The following CCDC61 variants were observed in gnomAD, a reference collection of about 807,000 sequenced individuals.
The protein encoded by CCDC61 is coiled-coil domain containing 61.
A neutral mutation model predicts 63.0 loss-of-function variants in CCDC61; 55 were observed. The observed-to-expected ratio is 0.87, with a 90% CI of 0.70 to 1.09. The LOEUF is 1.09. Among genes scored for constraint, CCDC61 ranks in the 50% least tolerant of loss-of-function variants. CCDC61 has a pLI of 0.00. For missense variants in CCDC61, 651 were observed against 731.4 expected (o/e 0.89, Z 1.27); for synonymous variants, 270 against 317.0 (o/e 0.85, Z 1.58).
chr19:46,003,401 A>G lies in CCDC61; in HGVS notation c.149-18A>G. 1.2e-6 allele frequency: 2 copies of G among 1,610,940 alleles called. No homozygotes were observed. The highest frequency in any genetic ancestry group is 1.7e-6 in the Non-Finnish European group (2 of 1,177,798). On this transcript the variant is annotated intron_variant, in intron 2 of 13. Coordinates refer to ENST00000595358, the MANE Select transcript of CCDC61 (RefSeq NM_001267723.2). Reference sequence around the variant, plus strand: ...GGCAAGCGGTCAGACCTCAGGAGAGACTTTTCTCCCCACCCAGTCATTGAA... The same window carrying G: ...GGCAAGCGGTCAGACCTCAGGAGAGGCTTTTCTCCCCACCCAGTCATTGAA...
chr19:46,003,951 T>G (rs1356625859), intron 3 of CCDC61, among the ~76,000 whole-genome samples: 3 of 152,052 alleles, frequency 2.0e-5, no homozygotes, highest in African/African-American at 7.2e-5. Flanking sequence ...TGTTTATTTT[T>G]TTTTTGAGAT....
Position 46,016,257 on chromosome 19 carries a change from G to T in CCDC61, c.1015+34G>T. ...CCCTGCCCTGCGGTAGGGAGGGGAC[G>T]CACTGGCGCTGCCAAGGCCCGTCTC... is the stretch of plus-strand genomic sequence containing the variant. On this transcript the variant is annotated intron_variant, in intron 8 of 13. Coordinates refer to ENST00000595358, the MANE Select transcript of CCDC61 (RefSeq NM_001267723.2). This position sits in a 1 kb window ranked among gnomAD's most constrained non-coding sequence, Gnocchi z 7.2. The T allele has an allele frequency of 6.2e-7, 1 of 1,600,036 alleles. No individual in the cohort carries two copies.
At chr19:46,002,960 G>A in intron 1 of CCDC61, 48 bp from the exon 2 acceptor site, 2 of 1,544,058 alleles carry the variant, frequency 1.3e-6, no homozygotes, top group Non-Finnish European at 1.8e-6. Flanking sequence ...CAACTCATGA[G>A]CCTGGGCTCT....
chr19:46,005,532 T>C (rs1049164692), intron 3 of CCDC61, among the ~76,000 whole-genome samples: 1 of 152,200 alleles, frequency 6.6e-6, no homozygotes, highest in African/African-American at 2.4e-5. Context: ...TTTCCTTATA[T>C]AATATCCAGA....
Position 46,003,179 on chromosome 19 carries a change from G to A in CCDC61, c.148+13G>A, listed in dbSNP as rs761303560. On this transcript the variant is annotated intron_variant, in intron 2 of 13. Coordinates refer to ENST00000595358, the MANE Select transcript of CCDC61 (RefSeq NM_001267723.2). Reference sequence around the variant, plus strand: ...TTCGATGCTGGCTGTGAGTGTGCCTGCCTGGGGTGGGCTCACCTTTCCTCT... The same window carrying A: ...TTCGATGCTGGCTGTGAGTGTGCCTACCTGGGGTGGGCTCACCTTTCCTCT... 1.3e-5 allele frequency: 21 copies of A among 1,597,374 alleles called. No individual in the cohort carries two copies. In the East Asian group the frequency reaches 4.7e-4, roughly 36 times the overall value.
intron 12 of CCDC61, 88 bp from the exon 13 acceptor site, chr19:46,017,990 C>A: frequency 8.2e-7 from 1 of 1,223,888 alleles, no homozygotes; most frequent in South Asian, 1.5e-5. Context: ...TCCCCAAGGT[C>A]CTTAGGCTCA....
intron 4 of CCDC61, among the ~76,000 whole-genome samples, chr19:46,007,827 G>A (rs774357539): frequency 3.3e-5 from 5 of 152,188 alleles, no homozygotes; most frequent in African/African-American, 7.2e-5. Context: ...TTAGGATTGC[G>A]TTTGGCTGCA....
At chr19:46,017,364 C>T (rs1164100686) in intron 12 of CCDC61, 60 bp downstream of exon 12, 3 of 1,473,712 alleles carry the variant, frequency 2.0e-6, no homozygotes, top group East Asian at 4.9e-5. Flanking sequence ...CCTGTGATTC[C>T]TTCCTGGGGA....
chr19:46,003,237 A>C (rs1600642006), intron 2 of CCDC61, 71 bp downstream of exon 2: 1 of 1,513,430 alleles, frequency 6.6e-7, no homozygotes. Context: ...ATATCAGGCC[A>C]CCCTGAATCC....
chr19:46,017,333 G>A, intron 12 of CCDC61, 29 bp downstream of exon 12: 1 of 1,543,136 alleles, frequency 6.5e-7, no homozygotes, highest in Non-Finnish European at 8.8e-7. Flanking sequence ...ATAAACCACT[G>A]GAACACAGCT....
chr19:46,015,504 A>C lies in CCDC61; in HGVS notation c.845+77A>C. ...GTGGAGGCTGATGAGGCGGAGCCTAAGGGGGCGGGGCGGGGCCAGGTAGGG... is the reference window on the plus strand; with the variant it reads ...GTGGAGGCTGATGAGGCGGAGCCTACGGGGGCGGGGCGGGGCCAGGTAGGG... On this transcript the variant is annotated intron_variant, in intron 7 of 13. Coordinates refer to ENST00000595358, the MANE Select transcript of CCDC61 (RefSeq NM_001267723.2). The surrounding 1 kb of genome is among the most constrained non-coding windows in gnomAD (Gnocchi z 5.3). The C allele has an allele frequency of 1.1e-5, 2 of 184,050 alleles. No homozygotes were observed. The highest frequency in any genetic ancestry group is 1.4e-5 in the Non-Finnish European group (2 of 143,434). 11.4% of individuals were successfully genotyped at this position (184,050 alleles called of 1,614,324 possible). A position where few individuals can be genotyped will look rare whatever the true frequency, so the allele number is the denominator to read the frequency against.
At chr19:46,001,477 G>A (rs1418799467) in intron 1 of CCDC61, among the ~76,000 whole-genome samples, 1 of 152,140 alleles carries the variant, frequency 6.6e-6, no homozygotes, top group Non-Finnish European at 1.5e-5. Flanking sequence ...ACCCTCCTCG[G>A]CCTCCCAAAG....
chr19:46,014,901 A>ACT, intron 5 of CCDC61, 148 bp from the exon 6 acceptor site: 1 of 585,044 alleles, frequency 1.7e-6, no homozygotes. Flanking sequence ...ATATGATAGG[A>ACT]CCCTGCCCCT....
At chr19:46,014,927 T>G (rs1968894041) in intron 5 of CCDC61, 122 bp from the exon 6 acceptor site, 3 of 805,368 alleles carry the variant, frequency 3.7e-6, no homozygotes, top group Non-Finnish European at 5.4e-6. Context: ...TGGGGTCAGT[T>G]GAGACTGATG....
At chr19:46,003,987 G>A (rs1031098307) in intron 3 of CCDC61, among the ~76,000 whole-genome samples, 9 of 151,972 alleles carry the variant, frequency 5.9e-5, no homozygotes, top group African/African-American at 2.2e-4. Context: ...CGCCCAGGCT[G>A]GAGTGCAGTG....
chr19:46,008,595 G>A (rs1968764463), intron 5 of CCDC61, among the ~76,000 whole-genome samples: 1 of 152,200 alleles, frequency 6.6e-6, no homozygotes. Context: ...TTTTAGTAGA[G>A]AAGGGGTTTT....
chr19:46,012,351 G>A (rs1035837007), intron 5 of CCDC61, among the ~76,000 whole-genome samples: 4 of 152,174 alleles, frequency 2.6e-5, no homozygotes, highest in African/African-American at 9.7e-5. Context: ...AACTACCCAG[G>A]TTAAAAAATT....
chr19:46,018,317 A>G lies in CCDC61; in HGVS notation c.1469A>G (p.Asp490Gly). 1.9e-6 allele frequency: 3 copies of G among 1,574,040 alleles called. No homozygotes were observed. The highest frequency in any genetic ancestry group is 2.6e-6 in the Non-Finnish European group (3 of 1,160,262). Residue 490 changes from aspartate (D) to glycine (G), a missense_variant, in exon 14 of 14, where the codon GAC becomes GGC. Physicochemically the swap from Asp to Gly is moderately conservative, Grantham distance 94. Coordinates refer to ENST00000595358, the MANE Select transcript of CCDC61 (RefSeq NM_001267723.2). The surrounding 1 kb of genome is among the most constrained non-coding windows in gnomAD (Gnocchi z 4.2). Reference protein sequence around the residue: ...KEYSSEHQAADMAEIDARLKA... With the variant: ...KEYSSEHQAAGMAEIDARLKA... ...TACAGCTCGGAGCACCAGGCGGCTG[A>G]CATGGCCGAAATAGACGCACGCCTG...
At chr19:45,996,946 T>G (rs997539643) in intron 1 of CCDC61, among the ~76,000 whole-genome samples, 5 of 152,114 alleles carry the variant, frequency 3.3e-5, no homozygotes, top group African/African-American at 9.7e-5. Context: ...TTGTTTCTCC[T>G]TTCAAACCCT....
Sources: gnomAD v4.1 joint callset for allele counts (sites outside exome capture counted in the v4.1 genomes callset) on GRCh38, gnomAD v4.1.1 for gene constraint, Gnocchi (gnomAD v3.1) non-coding constraint, MANE v1.5 for transcripts, NCBI Gene and HGNC (gene_info 2026-07-23, HGNC 2026-07-21) for gene names.